ATP8B2: variants seen among roughly 807,000 people sequenced by gnomAD.
The protein encoded by ATP8B2 is ATPase phospholipid transporting 8B2.
A neutral mutation model predicts 133.4 loss-of-function variants in ATP8B2; 70 were observed. That is an observed-to-expected ratio of 0.52 (90% confidence interval 0.43 to 0.64). The LOEUF (loss-of-function observed/expected upper bound fraction) is 0.64, where lower values mean the gene tolerates loss of function less well. ATP8B2 is among the 30% of genes least tolerant of loss of function. The pLI, the probability that ATP8B2 is intolerant of heterozygous loss-of-function variation, is 0.00. For synonymous variants in ATP8B2, 517 were observed against 589.5 expected (o/e 0.88, Z 1.78); for missense variants, 1,101 against 1,535.7 (o/e 0.72, Z 4.73).
chr1:154,345,870 G>C lies in ATP8B2; in HGVS notation c.2765G>C (p.Gly922Ala). The part of the protein sequence containing the change: ...VYTSLPVLAM[G>A]VFDQDVPEQR... ...ACCTCCCTGCCAGTCCTGGCTATGG[G>C]GGTCTTTGATCAGGTATGGGGGAGT... The change falls in exon 24 of 28, where the codon GGG becomes GCG. Residue 922 changes from glycine (G) to alanine (A), a missense_variant. Coordinates refer to ENST00000368489, the MANE Select transcript of ATP8B2 (RefSeq NM_001370597.1). This position sits in a 1 kb window ranked among gnomAD's most constrained non-coding sequence, Gnocchi z 5.6. The C allele has an allele frequency of 6.2e-7, 1 of 1,611,958 alleles. No individual in the cohort carries two copies. The highest frequency in any genetic ancestry group is 1.1e-5 in the South Asian group (1 of 91,022).
chr1:154,346,175 C>A lies in ATP8B2; in HGVS notation c.2779-56C>A. 7 of 1,585,476 alleles carry A rather than the reference C, an allele frequency of 4.4e-6. No individual in the cohort carries two copies. Among genetic ancestry groups the A allele is most frequent in the Non-Finnish European group, 6.0e-6 (7 of 1,164,322 alleles). On this transcript the variant is annotated intron_variant, in intron 24 of 27. Transcript: ENST00000368489. The surrounding 1 kb of genome is among the most constrained non-coding windows in gnomAD (Gnocchi z 4.5). Reference sequence around the variant, plus strand: ...GAGTCAGAGTCTGCCCTTGGTCATCCAGGGTCAAAACGGCAACCTCTGAGG... The same window carrying A: ...GAGTCAGAGTCTGCCCTTGGTCATCAAGGGTCAAAACGGCAACCTCTGAGG...
chr1:154,339,787 A>G (rs919065896), intron 12 of ATP8B2, among the ~76,000 whole-genome samples: 4 of 152,196 alleles, frequency 2.6e-5, no homozygotes, highest in Non-Finnish European at 2.9e-5. Flanking sequence ...ATAGGGCCCC[A>G]TTGCTCGGCT....
intron 12 of ATP8B2, chr1:154,338,680 A>G (rs555011671): frequency 3.9e-5 from 6 of 152,284 alleles, no homozygotes; most frequent in African/African-American, 1.4e-4. Context: ...AAACAAACAA[A>G]CAAACAAAAA....
At position 154,330,897 on chromosome 1, in the gene ATP8B2, A is replaced by C. The variant is rs1685965518; in HGVS notation, c.173A>C (p.Asn58Thr). 1.9e-6 allele frequency: 3 copies of C among 1,614,114 alleles called. No individual in the cohort carries two copies. The highest frequency in any genetic ancestry group is 2.5e-6 in the Non-Finnish European group (3 of 1,179,962). ...NLFEQFQEVANTYFLFLLILQ... is the reference protein window; with the variant it reads ...NLFEQFQEVATTYFLFLLILQ... The stretch of plus-strand genomic sequence containing the variant: ...TTTGAGCAGTTCCAGGAAGTTGCCA[A>C]CACTTACTTCCTGTTCCTCCTCATT... Residue 58 changes from asparagine to threonine, a missense_variant, in exon 4 of 28, where the codon AAC becomes ACC. Physicochemically the swap from Asn to Thr is moderately conservative, Grantham distance 65 (BLOSUM62 0). Transcript: ENST00000368489.
intron 27 of ATP8B2, 24 bp from the exon 28 acceptor site, chr1:154,348,816 G>A: frequency 6.4e-7 from 1 of 1,562,578 alleles, no homozygotes; most frequent in Non-Finnish European, 8.7e-7. Context: ...CTGACAGAGG[G>A]CTCTTCCCTG....
At chr1:154,341,282 C>T (rs543889174) in intron 13 of ATP8B2, 13 of 617,434 alleles carry the variant, frequency 2.1e-5, no homozygotes, top group African/African-American at 1.5e-4. Context: ...CCCAGGAATG[C>T]GAGACCAGCC....
In ATP8B2 at chr1:154,346,583, G is replaced by C. The variant is rs1349970350; in HGVS notation, c.3025-37G>C. The stretch of plus-strand genomic sequence containing the variant: ...CTGTTTCTGGGGGAAGGGGCTTTTA[G>C]GGCGTGCGCCTGCCTGACTATGCCT... On this transcript the variant is annotated intron_variant, in intron 25 of 27. Coordinates refer to ENST00000368489, the MANE Select transcript of ATP8B2 (RefSeq NM_001370597.1). The surrounding 1 kb of genome is among the most constrained non-coding windows in gnomAD (Gnocchi z 4.5). 6.2e-7 allele frequency: 1 copy of C among 1,613,470 alleles called. No homozygotes were observed. The highest frequency in any genetic ancestry group is 1.1e-5 in the South Asian group (1 of 91,026).
In ATP8B2 at chr1:154,344,351, C is replaced by A; in HGVS notation, c.2036-44C>A. On this transcript the variant is annotated intron_variant, in intron 19 of 27. Coordinates refer to ENST00000368489, the MANE Select transcript of ATP8B2 (RefSeq NM_001370597.1). This position sits in a 1 kb window ranked among gnomAD's most constrained non-coding sequence, Gnocchi z 4.1. Reference sequence around the variant, plus strand: ...ACATCAGGCAGGCAAGTGTGCTGACCTTGTTGGGTGCCTGTCCGTAGCTCC... The same window carrying A: ...ACATCAGGCAGGCAAGTGTGCTGACATTGTTGGGTGCCTGTCCGTAGCTCC... The A allele has an allele frequency of 6.2e-7, 1 of 1,614,124 alleles. No individual in the cohort carries two copies. Among genetic ancestry groups the A allele is most frequent in the Non-Finnish European group, 8.5e-7 (1 of 1,179,980 alleles).
In ATP8B2 at chr1:154,348,028, A is replaced by AAC. The variant is rs1553297551; in HGVS notation, c.3164-379_3164-378insCA. 6.0e-5 allele frequency among the ~76,000 whole-genome samples: 9 copies of AAC among 150,994 alleles called. No individual in the cohort carries two copies. In the East Asian group the frequency reaches 1.2e-3, roughly 20 times the overall value. Reference sequence around the variant, plus strand: ...AATCAAGATAAAAAACAACAAAAAAAAAATTAAAAAAAAATTTTTACAGAA... The same window carrying AAC: ...AATCAAGATAAAAAACAACAAAAAAAACAAATTAAAAAAAAATTTTTACAGAA... On this transcript the variant is annotated intron_variant, in intron 26 of 27. Coordinates refer to ENST00000368489, the MANE Select transcript of ATP8B2 (RefSeq NM_001370597.1).
chr1:154,336,648 C>T (rs545096458), intron 11 of ATP8B2, among the ~76,000 whole-genome samples: 5 of 151,984 alleles, frequency 3.3e-5, no homozygotes, highest in South Asian at 2.1e-4. Context: ...CCACCACACC[C>T]GGCTAATTTT....
At chr1:154,337,654 TC>T in intron 12 of ATP8B2, 110 bp downstream of exon 12, 2 of 1,610,262 alleles carry the variant, frequency 1.2e-6, no homozygotes, top group African/African-American at 1.3e-5. Context: ...GTCCTCTTCT[TC>T]CTGTACTGTA....
Position 154,343,958 on chromosome 1 carries a change from C to T in ATP8B2, c.1824C>T (p.Tyr608=), listed in dbSNP as rs2274988. The part of the protein sequence containing the change: ...LAYKDLDEEY[Y]EEWAERRLQA... Reference sequence around the variant, plus strand: ...ACAAGGATCTGGATGAAGAGTACTACGAGGAGTGGGCTGAGCGACGCCTCC... The same window carrying T: ...ACAAGGATCTGGATGAAGAGTACTATGAGGAGTGGGCTGAGCGACGCCTCC... The change falls in exon 18 of 28, where the codon TAC becomes TAT. Residue 608 remains tyrosine (Y), a synonymous_variant. Coordinates refer to ENST00000368489, the MANE Select transcript of ATP8B2 (RefSeq NM_001370597.1). The surrounding 1 kb of genome is among the most constrained non-coding windows in gnomAD (Gnocchi z 5.8). 390,581 of 1,613,780 alleles carry T rather than the reference C, an allele frequency of 0.24. 49,283 individuals carry two copies. The highest frequency in any genetic ancestry group is 0.26 in the Non-Finnish European group (301,272 of 1,179,860).
chr1:154,337,646 C>T (rs753378046), intron 12 of ATP8B2, 102 bp downstream of exon 12: 3 of 1,612,858 alleles, frequency 1.9e-6, no homozygotes, highest in Middle Eastern at 1.7e-4. Context: ...AACGAGAAGT[C>T]CTCTTCTTCC....
At chr1:154,342,625 C>A (rs899527271) in intron 14 of ATP8B2, 102 bp downstream of exon 14, 1 of 1,475,778 alleles carries the variant, frequency 6.8e-7, no homozygotes, top group Non-Finnish European at 9.5e-7. Flanking sequence ...GAAATGGAAG[C>A]TGCTTGGAGA....
At chr1:154,327,943 TCC>T (rs1685848395) in intron 1 of ATP8B2, 160 bp from the exon 2 acceptor site, 3 of 1,542,444 alleles carry the variant, frequency 1.9e-6, no homozygotes, top group South Asian at 2.2e-5. Flanking sequence ...GTCCCCTCTT[TCC>T]CAGGAACCCA....
intron 13 of ATP8B2, 95 bp from the exon 14 acceptor site, chr1:154,342,385 A>C: frequency 8.0e-7 from 1 of 1,249,832 alleles, no homozygotes; most frequent in Non-Finnish European, 1.2e-6. Context: ...TGAGGGGCTC[A>C]GTGCCTACGG....
intron 8 of ATP8B2, among the ~76,000 whole-genome samples, 153 bp downstream of exon 8, chr1:154,332,177 A>T (rs985784396): frequency 1.3e-5 from 2 of 152,192 alleles, no homozygotes; most frequent in African/African-American, 4.8e-5. Flanking sequence ...AGTGTTATTC[A>T]ACCAGTATTT....
At position 154,346,118 on chromosome 1, in the gene ATP8B2, C is replaced by G; in HGVS notation, c.2779-113C>G. On this transcript the variant is annotated intron_variant, in intron 24 of 27. Transcript: ENST00000368489. This position sits in a 1 kb window ranked among gnomAD's most constrained non-coding sequence, Gnocchi z 4.5. ...GCTGGCTTGAGGTTGGTTCTAGCTG[C>G]CAAAGACTTTGGAAAGGAGGAGGCA... 6.7e-7 allele frequency: 1 copy of G among 1,481,554 alleles called. No homozygotes were observed. Among genetic ancestry groups the G allele is most frequent in the South Asian group, 1.3e-5 (1 of 78,258 alleles). The allele number at this position is 1,481,554 out of a possible 1,614,324, so 91.8% of individuals were successfully genotyped here. A position where few individuals can be genotyped will look rare whatever the true frequency, so the allele number is the denominator to read the frequency against.
At position 154,345,774 on chromosome 1, in the gene ATP8B2, C is replaced by T. The variant is rs761465597; in HGVS notation, c.2695-26C>T. 1.9e-6 allele frequency: 3 copies of T among 1,575,154 alleles called. No homozygotes were observed. Among genetic ancestry groups the T allele is most frequent in the African/African-American group, 1.4e-5 (1 of 74,068 alleles). On this transcript the variant is annotated intron_variant, in intron 23 of 27. Transcript: ENST00000368489. This position sits in a 1 kb window ranked among gnomAD's most constrained non-coding sequence, Gnocchi z 5.6. ...ATGTGTAGCAAAGAAAGGTTGCATG[C>T]TCCCTTGCTCCCTGTTCTCTTCCAG...
Sources: gnomAD v4.1 joint callset for allele counts (sites outside exome capture counted in the v4.1 genomes callset) on GRCh38, gnomAD v4.1.1 for gene constraint, Gnocchi (gnomAD v3.1) non-coding constraint, MANE v1.5 for transcripts, NCBI Gene and HGNC (gene_info 2026-07-23, HGNC 2026-07-21) for gene names.